KIRREL3: variants seen among roughly 807,000 people sequenced by gnomAD.
The protein encoded by KIRREL3 is kirre like nephrin family adhesion molecule 3, also known as kin of IRRE-like protein 3.
Under a neutral mutation model 89.7 loss-of-function variants are expected in KIRREL3, and 36 were observed. That is an observed-to-expected ratio of 0.40 (90% CI 0.31 to 0.53). The LOEUF is 0.53. Among genes scored for constraint, KIRREL3 ranks in the 20% least tolerant of loss-of-function variants. The pLI is 0.49. For synonymous variants in KIRREL3, 445 were observed against 441.4 expected, an observed-to-expected ratio of 1.01 and a Z score of -0.10; for missense variants, 864 against 1,056.6, an observed-to-expected ratio of 0.82 and a Z score of 2.53.
At chr11:126,823,390 T>C (rs1451476767) in intron 1 of KIRREL3, among the ~76,000 whole-genome samples, 1 of 152,140 alleles carries the variant, frequency 6.6e-6, no homozygotes, top group Non-Finnish European at 1.5e-5. Flanking sequence ...TCTTTATGCC[T>C]CCATTTTTTC....
At chr11:126,933,650 G>A (rs185632342) in intron 1 of KIRREL3, among the ~76,000 whole-genome samples, 1 of 151,090 alleles carries the variant, frequency 6.6e-6, no homozygotes, top group African/African-American at 2.4e-5. Flanking sequence ...CTACACACAA[G>A]AAATCATCCA....
At chr11:126,654,742 G>A (rs1363996474) in intron 1 of KIRREL3, among the ~76,000 whole-genome samples, 1 of 152,078 alleles carries the variant, frequency 6.6e-6, no homozygotes, top group East Asian at 1.9e-4. Context: ...GAAGGTCAAT[G>A]GATATTGTGT....
At position 126,612,818 on chromosome 11, in the gene KIRREL3, T is replaced by G. The variant is rs1396575475; in HGVS notation, c.56-49906A>C. ...CCAGTTGCCACATGCATCAGTACTT[T>G]ATTCCTTTGTATGGGTGAGTAACAT... On this transcript the variant is annotated intron_variant, in intron 1 of 16. Coordinates refer to ENST00000525144, the MANE Select transcript of KIRREL3 (RefSeq NM_032531.4). The surrounding 1 kb of genome is among the most constrained non-coding windows in gnomAD (Gnocchi z 4.5). 6.6e-6 allele frequency among the ~76,000 whole-genome samples: 1 copy of G among 152,238 alleles called. No individual in the cohort carries two copies. The highest frequency in any genetic ancestry group is 1.5e-5 in the Non-Finnish European group (1 of 68,034).
In KIRREL3 at chr11:126,641,030, A is replaced by T. The variant is rs1944449120; in HGVS notation, c.56-78118T>A. ...GTGTAACAGGCATCTCAAATTTCAC[A>T]TGCTCCGAAAAGAACTCCTGGTCTT... On this transcript the variant is annotated intron_variant, in intron 1 of 16. Coordinates refer to ENST00000525144, the MANE Select transcript of KIRREL3 (RefSeq NM_032531.4). This position sits in a 1 kb window ranked among gnomAD's most constrained non-coding sequence, Gnocchi z 5.0. Among the ~76,000 whole-genome samples, 1 of 152,018 alleles carries T rather than the reference A, an allele frequency of 6.6e-6. No individual in the cohort carries two copies. Among genetic ancestry groups the T allele is most frequent in the Non-Finnish European group, 1.5e-5 (1 of 67,996 alleles).
intron 1 of KIRREL3, among the ~76,000 whole-genome samples, chr11:126,863,966 C>T (rs2134634081): frequency 6.6e-6 from 1 of 152,304 alleles, no homozygotes; most frequent in East Asian, 1.9e-4. Flanking sequence ...CCTGGCTACA[C>T]CATGTGTTAA....
Position 126,587,114 on chromosome 11 carries a change from G to C in KIRREL3, c.56-24202C>G, listed in dbSNP as rs1012564155. Among the ~76,000 whole-genome samples, 1 of 152,194 alleles carries C rather than the reference G, an allele frequency of 6.6e-6. No homozygotes were observed. The highest frequency in any genetic ancestry group is 1.5e-5 in the Non-Finnish European group (1 of 68,042). ...CAGTGTGATGGATGCTCCAGTGGAAGAGTCCAGAGCACCGGGATGATGTGT... is the reference window on the plus strand; with the variant it reads ...CAGTGTGATGGATGCTCCAGTGGAACAGTCCAGAGCACCGGGATGATGTGT... On this transcript the variant is annotated intron_variant, in intron 1 of 16. Transcript: ENST00000525144. The surrounding 1 kb of genome is among the most constrained non-coding windows in gnomAD (Gnocchi z 5.2).
chr11:126,901,804 T>C (rs1403578291), intron 1 of KIRREL3, among the ~76,000 whole-genome samples: 1 of 152,196 alleles, frequency 6.6e-6, no homozygotes, highest in Non-Finnish European at 1.5e-5. Flanking sequence ...CTGAATAATA[T>C]TCATGGCTCT....
At chr11:126,451,091 A>T (rs201343835) in intron 7 of KIRREL3, among the ~76,000 whole-genome samples, 1 of 85,252 alleles carries the variant, frequency 1.2e-5, no homozygotes, top group Non-Finnish European at 2.3e-5. Context: ...GTGTGTGCAT[A>T]TGTGTCCATG....
Position 126,526,558 on chromosome 11 carries a change from C to A in KIRREL3, c.263G>T (p.Gly88Val). ...VLWIKDGLAL[G>V]VGRDLSSYPQ... ...CTCACTTGAGAGGTCCCTGCCCACA[C>A]CCAGAGCCAAGCCGTCCTTGATCCA... Residue 88 changes from glycine to valine, a missense_variant, in exon 3 of 17, where the codon GGT (glycine) becomes GTT (valine). Coordinates refer to ENST00000525144, the MANE Select transcript of KIRREL3 (RefSeq NM_032531.4). This position sits in a 1 kb window ranked among gnomAD's most constrained non-coding sequence, Gnocchi z 5.7. 1 of 1,613,310 alleles carries A rather than the reference C, an allele frequency of 6.2e-7. No individual in the cohort carries two copies. The highest frequency in any genetic ancestry group is 8.5e-7 in the Non-Finnish European group (1 of 1,179,622).
chr11:126,901,213 CAA>C (rs58769659), intron 1 of KIRREL3, among the ~76,000 whole-genome samples: 54 of 86,032 alleles, frequency 6.3e-4, no homozygotes, highest in African/African-American at 1.5e-3. Flanking sequence ...GATTCCGTCT[CAA>C]AAAAAAAAAA....
rs1032526487 is a variant in KIRREL3 at position 126,519,920 on chromosome 11, C to A, written c.433+1395G>T. On this transcript the variant is annotated intron_variant, in intron 4 of 16. Coordinates refer to ENST00000525144, the MANE Select transcript of KIRREL3 (RefSeq NM_032531.4). This position sits in a 1 kb window ranked among gnomAD's most constrained non-coding sequence, Gnocchi z 4.3. Reference sequence around the variant, plus strand: ...ACTCCTCGGAAGGCCCGCTTCCCGGCCATGGAATCCCAACTTATTTACCCC... The same window carrying A: ...ACTCCTCGGAAGGCCCGCTTCCCGGACATGGAATCCCAACTTATTTACCCC... Among the ~76,000 whole-genome samples, 2 of 152,156 alleles carry A rather than the reference C, an allele frequency of 1.3e-5. No homozygotes were observed. The highest frequency in any genetic ancestry group is 4.8e-5 in the African/African-American group (2 of 41,440).
intron 1 of KIRREL3, among the ~76,000 whole-genome samples, chr11:126,792,681 T>G (rs1349911299): frequency 6.6e-6 from 1 of 152,364 alleles, no homozygotes; most frequent in Middle Eastern, 3.4e-3. Context: ...TTATGTTATA[T>G]GCACACAATG....
Position 126,886,910 on chromosome 11 carries a change from G to A in KIRREL3, c.55+113545C>T, listed in dbSNP as rs368155231. Among the ~76,000 whole-genome samples, 46 of 152,170 alleles carry A rather than the reference G, an allele frequency of 3.0e-4. 1 individual carries two copies. Among genetic ancestry groups the A allele is most frequent in the African/African-American group, 1.1e-3 (45 of 41,496 alleles). ...AAAATTCACATTCCAATGGTGATCAGTTTCAGAAATGTCTCCTCAGGGGAA... is the reference window on the plus strand; with the variant it reads ...AAAATTCACATTCCAATGGTGATCAATTTCAGAAATGTCTCCTCAGGGGAA... On this transcript the variant is annotated intron_variant, in intron 1 of 16. Transcript: ENST00000525144.
rs1326180868 is a variant in KIRREL3, at chr11:126,754,787, A to C, written c.56-191875T>G. Among the ~76,000 whole-genome samples the C allele has an allele frequency of 6.6e-6, 1 of 152,186 alleles. No homozygotes were observed. Among genetic ancestry groups the C allele is most frequent in the South Asian group, 2.1e-4 (1 of 4,822 alleles). ...GATAGAAGCTGATGGTGAATCCAAC[A>C]GTTTCCTAAAATATAGGTCACCACA... On this transcript the variant is annotated intron_variant, in intron 1 of 16. Transcript: ENST00000525144. The surrounding 1 kb of genome is among the most constrained non-coding windows in gnomAD (Gnocchi z 5.1).
intron 1 of KIRREL3, among the ~76,000 whole-genome samples, chr11:126,726,579 G>A (rs566135682): frequency 1.3e-5 from 2 of 152,106 alleles, no homozygotes; most frequent in Non-Finnish European, 2.9e-5. Flanking sequence ...TGTTGGCCAG[G>A]CTGGTTTCAA....
In KIRREL3 at chr11:126,563,476, T is replaced by C. The variant is rs1214654021; in HGVS notation, c.56-564A>G. Among the ~76,000 whole-genome samples the C allele has an allele frequency of 6.6e-6, 1 of 152,168 alleles. No homozygotes were observed. Among genetic ancestry groups the C allele is most frequent in the East Asian group, 1.9e-4 (1 of 5,188 alleles). ...GGTTAAGGTATAGGCAGAAGAGCTC[T>C]CTCTACCTTTTGGAGAGGGTGCGTT... On this transcript the variant is annotated intron_variant, in intron 1 of 16. Coordinates refer to ENST00000525144, the MANE Select transcript of KIRREL3 (RefSeq NM_032531.4). This position sits in a 1 kb window ranked among gnomAD's most constrained non-coding sequence, Gnocchi z 6.8.
At chr11:126,992,315 C>T (rs1291067258) in intron 1 of KIRREL3, 1 of 152,258 alleles carries the variant, frequency 6.6e-6, no homozygotes, top group African/African-American at 2.4e-5. Flanking sequence ...TTGACTCCTA[C>T]ATTCCTGATG....
intron 1 of KIRREL3, among the ~76,000 whole-genome samples, chr11:126,792,833 T>A: frequency 6.6e-6 from 1 of 152,086 alleles, no homozygotes; most frequent in East Asian, 1.9e-4. Flanking sequence ...ACTATACTGT[T>A]TAGGGATATA....
intron 1 of KIRREL3, among the ~76,000 whole-genome samples, chr11:126,631,137 A>G (rs944415243): frequency 6.6e-6 from 1 of 150,392 alleles, no homozygotes; most frequent in Non-Finnish European, 1.5e-5. Context: ...TCATTCATTC[A>G]TTCATTCATT....
Sources: allele counts gnomAD v4.1 joint callset (sites outside exome capture counted in the v4.1 genomes callset), GRCh38; gene constraint gnomAD v4.1.1; non-coding constraint Gnocchi (gnomAD v3.1); transcripts MANE v1.5; gene names NCBI Gene and HGNC (gene_info 2026-07-23, HGNC 2026-07-21).